NONO: variants seen among roughly 807,000 people sequenced by gnomAD.
NONO encodes the protein non-POU domain-containing octamer-binding protein.
In NONO, 6 loss-of-function variants were observed where a neutral mutation model predicts 40.2. That is an observed-to-expected ratio of 0.15 (90% CI 0.08 to 0.29). The LOEUF is 0.29. Among genes scored for constraint, NONO ranks in the 10% least tolerant of loss-of-function variants. NONO has a pLI of 1.00. For synonymous variants in NONO, 89 were observed against 123.3 expected (o/e 0.72, Z 1.85); for missense variants, 133 against 397.8 (o/e 0.33, Z 5.66).
intron 2 of NONO, among the ~76,000 whole-genome samples, chrX:71,289,485 G>T (rs969451420): frequency 5.4e-5 from 6 of 111,084 alleles, no homozygotes; most frequent in Admixed American, 2.9e-4. Flanking sequence ...TAGAGACGGG[G>T]TTTCACCATG....
In NONO at chrX:71,297,855, C is replaced by T; in HGVS notation, c.1048C>T (p.Arg350Cys). 8.3e-7 allele frequency: 1 copy of T among 1,207,599 alleles called. No individual in the cohort carries two copies. The change falls in exon 9 of 12, where the codon CGC becomes TGC. Residue 350 changes from arginine to cysteine, a missense_variant. Arg to Cys is a radical substitution (Grantham distance 180). This residue lies in a region of NONO where 73 missense variants were observed against 162.2 expected (regional missense o/e 0.45). Coordinates refer to ENST00000276079, the MANE Select transcript of NONO (RefSeq NM_007363.5). ...CTGTAGGCAGGAGGAAGAGCGCAGG[C>T]GCCGTGAAGAAGAGATGCGGCGGCA... is the stretch of plus-strand genomic sequence containing the variant. Reference protein sequence around the residue: ...LELRQEEERRRREEEMRRQQE... With the variant: ...LELRQEEERRCREEEMRRQQE...
At chrX:71,298,306 C>T in intron 9 of NONO, 163 bp from the exon 10 acceptor site, 1 of 510,793 alleles carries the variant, frequency 2.0e-6, no homozygotes, top group Non-Finnish European at 3.5e-6. Context: ...GCTCTGTGAC[C>T]TTGAATTTGT....
intron 5 of NONO, among the ~76,000 whole-genome samples, chrX:71,295,908 TGTAGTCA>T (rs2031437476): frequency 8.9e-6 from 1 of 111,983 alleles, no homozygotes; most frequent in African/African-American, 3.2e-5. Flanking sequence ...TAGGTTGTCA[TGTAGTCA>T]GTGTTAAGTC....
intron 6 of NONO, 60 bp downstream of exon 6, chrX:71,296,720 G>T: frequency 9.8e-7 from 1 of 1,018,302 alleles, no homozygotes; most frequent in South Asian, 2.2e-5. Flanking sequence ...GCTTATAAAG[G>T]GATATGTAAA....
intron 3 of NONO, 41 bp downstream of exon 3, chrX:71,290,832 C>G (rs369299140): frequency 7.3e-6 from 8 of 1,088,699 alleles, no homozygotes; most frequent in Non-Finnish European, 9.6e-6. Context: ...TGGATTCCCT[C>G]TGGGAATGGT....
chrX:71,296,518 T>A (rs1305905806), intron 5 of NONO, 47 bp from the exon 6 acceptor site: 2 of 892,558 alleles, frequency 2.2e-6, no homozygotes, highest in African/African-American at 4.0e-5. Flanking sequence ...AGAAGAAGCC[T>A]GGTGGGGTAT....
At chrX:71,287,850 C>T (rs954624785) in intron 2 of NONO, among the ~76,000 whole-genome samples, 2 of 103,212 alleles carry the variant, frequency 1.9e-5, no homozygotes, top group African/African-American at 7.2e-5. Flanking sequence ...CACCTGGCCT[C>T]CCCTCCCCCC....
In NONO at chrX:71,300,387, GTTTT is replaced by G. The variant is rs34459863; in HGVS notation, c.*322_*325del. The G allele has an allele frequency of 4.1e-6, 1 of 242,065 alleles. No homozygotes were observed. The highest frequency in any genetic ancestry group is 7.2e-6 in the Non-Finnish European group (1 of 138,239). The allele number at this position is 242,065 out of a possible 1,213,427, so 19.9% of individuals were successfully genotyped here. A position where few individuals can be genotyped will look rare whatever the true frequency, so the allele number is the denominator to read the frequency against. On this transcript the variant is annotated 3_prime_UTR_variant, in exon 12 of 12. Transcript: ENST00000276079. ...GAGCCCATTAATCTTGATCATTCCG[GTTTT>G]TTTTTTTTTTGTCCATCTTGTTTCA...
At chrX:71,288,119 CT>C (rs41517053) in intron 2 of NONO, among the ~76,000 whole-genome samples, 5 of 53,855 alleles carry the variant, frequency 9.3e-5, no homozygotes, top group African/African-American at 4.1e-4. Context: ...TTATTTTTAT[CT>C]TTTTTTTTTT....
In NONO at chrX:71,297,818, A is replaced by G. The variant is rs960472594; in HGVS notation, c.1029-18A>G. On this transcript the variant is annotated intron_variant, in intron 8 of 11. Transcript: ENST00000276079. Reference sequence around the variant, plus strand: ...TCTGAAATGCCTCTGTCTTAAATACATTGGTGACTCTCTGTAGGCAGGAGG... The same window carrying G: ...TCTGAAATGCCTCTGTCTTAAATACGTTGGTGACTCTCTGTAGGCAGGAGG... 1.7e-6 allele frequency: 2 copies of G among 1,171,294 alleles called. No individual in the cohort carries two copies. Among genetic ancestry groups the G allele is most frequent in the Non-Finnish European group, 2.3e-6 (2 of 860,282 alleles).
chrX:71,290,738 A>G lies in NONO; in HGVS notation c.101A>G (p.Gln34Arg). The G allele has an allele frequency of 8.4e-7, 1 of 1,189,972 alleles. No homozygotes were observed. Among genetic ancestry groups the G allele is most frequent in the Non-Finnish European group, 1.1e-6 (1 of 881,206 alleles). ...HQQQHHQQQQ[Q>R]QPPPPPIPAN... ...CAGCAGCACCACCAGCAGCAACAGC[A>G]GCAGCCGCCACCACCGCCAATACCT... The change falls in exon 3 of 12, where the codon CAG (glutamine) becomes CGG (arginine). Residue 34 changes from glutamine to arginine, a missense_variant. This residue lies in a region of NONO where 28 missense variants were observed against 29.5 expected (regional missense o/e 0.95). Transcript: ENST00000276079.
At chrX:71,291,516 C>T (rs865829385) in intron 3 of NONO, among the ~76,000 whole-genome samples, 2 of 110,878 alleles carry the variant, frequency 1.8e-5, no homozygotes, top group Non-Finnish European at 3.8e-5. Flanking sequence ...TCTCTTTGGC[C>T]GGTAACGCCT....
rs141603294 is a variant in NONO at position 71,293,283 on chromosome X, T to C, written c.349-944T>C. 7.1e-3 allele frequency among the ~76,000 whole-genome samples: 792 copies of C among 111,839 alleles called. 10 individuals carry two copies. The highest frequency in any genetic ancestry group is 0.024 in the African/African-American group (751 of 30,820). ...GGAGGATATTCGTGATTCTGGTACATACCTAGCAAAAATTAGACTGAGCAT... is the reference window on the plus strand; with the variant it reads ...GGAGGATATTCGTGATTCTGGTACACACCTAGCAAAAATTAGACTGAGCAT... On this transcript the variant is annotated intron_variant, in intron 4 of 11. Transcript: ENST00000276079.
intron 3 of NONO, among the ~76,000 whole-genome samples, chrX:71,291,082 A>G (rs1460901829): frequency 2.7e-5 from 3 of 112,699 alleles, no homozygotes; most frequent in Non-Finnish European, 5.6e-5. Flanking sequence ...GGTAGTCATC[A>G]GATGACTGGT....
intron 4 of NONO, among the ~76,000 whole-genome samples, chrX:71,293,583 GA>G (rs761775142): frequency 0.024 from 2,478 of 103,909 alleles, 83 homozygotes; most frequent in African/African-American, 0.081. Context: ...ACTCCGTCTC[GA>G]AAAAAAAAAC....
chrX:71,299,861 C>T, intron 11 of NONO, 81 bp from the exon 12 acceptor site: 3 of 1,110,986 alleles, frequency 2.7e-6, no homozygotes, highest in Non-Finnish European at 3.7e-6. Context: ...ATGGAAATAG[C>T]CTCCAGTGGA....
chrX:71,294,079 C>T, intron 4 of NONO, 148 bp from the exon 5 acceptor site: 1 of 576,478 alleles, frequency 1.7e-6, no homozygotes, highest in Non-Finnish European at 2.7e-6. Context: ...AGAGCTGAAG[C>T]ACACAGTTAA....
chrX:71,291,981 C>T lies in NONO; in HGVS notation c.348+9C>T. 8.8e-7 allele frequency: 1 copy of T among 1,141,039 alleles called. No individual in the cohort carries two copies. 94.0% of individuals were successfully genotyped at this position (1,141,039 alleles called of 1,213,427 possible). Reference sequence around the variant, plus strand: ...TTGGCTTTATCCGCTTGGTGAGCAACTGTTGGCTTTTGAGGCATGTGCTCT... The same window carrying T: ...TTGGCTTTATCCGCTTGGTGAGCAATTGTTGGCTTTTGAGGCATGTGCTCT... On this transcript the variant is annotated intron_variant, in intron 4 of 11. Coordinates refer to ENST00000276079, the MANE Select transcript of NONO (RefSeq NM_007363.5).
chrX:71,290,191 C>T (rs1372521222), intron 2 of NONO, among the ~76,000 whole-genome samples: 2 of 110,280 alleles, frequency 1.8e-5, no homozygotes, highest in South Asian at 3.8e-4. Context: ...GAACCACAGG[C>T]GTGCGCCACC....
Sources: gnomAD v4.1 joint callset for allele counts (sites outside exome capture counted in the v4.1 genomes callset) on GRCh38, gnomAD v4.1.1 for gene constraint, gnomAD v4.1.1 regional missense constraint, MANE v1.5 for transcripts, NCBI Gene and HGNC (gene_info 2026-07-23, HGNC 2026-07-21) for gene names.